HNRNPR: variants seen among roughly 807,000 people sequenced by gnomAD.
HNRNPR encodes heterogeneous nuclear ribonucleoprotein R.
Under a neutral mutation model 70.3 loss-of-function variants are expected in HNRNPR, and 4 were observed. The ratio of observed to expected loss-of-function variants is 0.06; its 90% CI spans 0.03 to 0.13. The LOEUF is 0.13. Ranked by LOEUF, HNRNPR falls within the 10% of genes least tolerant of loss-of-function variation. HNRNPR has a pLI of 1.00. For missense variants in HNRNPR, 423 were observed against 788.5 expected, an observed-to-expected ratio of 0.54 and a Z score of 5.55; for synonymous variants, 241 against 267.6, an observed-to-expected ratio of 0.90 and a Z score of 0.97.
At chr1:23,325,089 G>GAGCTGTATACCC (rs1570005438) in intron 5 of HNRNPR, among the ~76,000 whole-genome samples, 1 of 151,818 alleles carries the variant, frequency 6.6e-6, no homozygotes, top group East Asian at 1.9e-4. Flanking sequence ...GCAGGGAGCC[G>GAGCTGTATACCC]AGATCGCGCC....
intron 5 of HNRNPR, among the ~76,000 whole-genome samples, chr1:23,326,739 C>A (rs763676709): frequency 6.6e-6 from 1 of 152,244 alleles, no homozygotes. Flanking sequence ...GAGCTGAGAT[C>A]GCGCCATTGC....
chr1:23,333,485 A>T lies in HNRNPR; in HGVS notation c.498+33T>A, dbSNP rs778422613. 3.5e-5 allele frequency: 48 copies of T among 1,369,676 alleles called. No homozygotes were observed. The East Asian group carries it at 1.1e-3, about 31-fold the overall frequency. The allele number at this position is 1,369,676 out of a possible 1,614,324, so 84.8% of individuals were successfully genotyped here. A position where few individuals can be genotyped will look rare whatever the true frequency, so the allele number is the denominator to read the frequency against. The stretch of plus-strand genomic sequence containing the variant: ...GTAGATAAAACACTTTCCAAACTGG[A>T]AAGATCTTGGTAAACTGCTAAAGAA... On this transcript the variant is annotated intron_variant, in intron 5 of 10. Coordinates refer to ENST00000302271, the MANE Select transcript of HNRNPR (RefSeq NM_005826.5).
At chr1:23,336,776 A>AG (rs1646509108) in intron 4 of HNRNPR, among the ~76,000 whole-genome samples, 3 of 151,374 alleles carry the variant, frequency 2.0e-5, no homozygotes. Context: ...TCAAAAAAAA[A>AG]AAAAAAAAAG....
intron 4 of HNRNPR, among the ~76,000 whole-genome samples, chr1:23,336,845 T>C (rs1341569524): frequency 6.6e-6 from 1 of 152,008 alleles, no homozygotes; most frequent in Non-Finnish European, 1.5e-5. Flanking sequence ...TTAGGTTCAC[T>C]GGTCTTTCAT....
rs1645216996 is a variant in HNRNPR at position 23,307,296 on chromosome 1, T to A, written c.*3158A>T. The stretch of plus-strand genomic sequence containing the variant: ...GATGTAATGAGTTTCAAGAATAATA[T>A]TATATGGCTTTATGCTAGGAGTGAA... On this transcript the variant is annotated 3_prime_UTR_variant, in exon 11 of 11. Transcript: ENST00000302271. The A allele has an allele frequency of 6.6e-6, 1 of 152,088 alleles. No individual in the cohort carries two copies. Among genetic ancestry groups the A allele is most frequent in the Admixed American group, 6.5e-5 (1 of 15,272 alleles). The allele number at this position is 152,088 out of a possible 1,614,324, so 9.4% of individuals were successfully genotyped here.
chr1:23,308,769 C>T lies in HNRNPR; in HGVS notation c.*1685G>A, dbSNP rs1645244217. ...TTGAAATGAAAAGAAGCCATGAAAC[C>T]CAATATGATCTAGCCAAGATTACAC... On this transcript the variant is annotated 3_prime_UTR_variant, in exon 11 of 11. Coordinates refer to ENST00000302271, the MANE Select transcript of HNRNPR (RefSeq NM_005826.5). The T allele has an allele frequency of 1.3e-5, 2 of 151,822 alleles. No homozygotes were observed. Among genetic ancestry groups the T allele is most frequent in the Non-Finnish European group, 2.9e-5 (2 of 67,836 alleles). The allele number at this position is 151,822 out of a possible 1,614,324, so 9.4% of individuals were successfully genotyped here. A position where few individuals can be genotyped will look rare whatever the true frequency, so the allele number is the denominator to read the frequency against.
chr1:23,318,767 G>A lies in HNRNPR; in HGVS notation c.812-79C>T. On this transcript the variant is annotated intron_variant, in intron 7 of 10. Transcript: ENST00000302271. This position sits in a 1 kb window ranked among gnomAD's most constrained non-coding sequence, Gnocchi z 4.2. ...CGATTAGGCAGACCTAAATCCACTT[G>A]ACGATGAGCAAAATATAAGTGAAGC... 7.4e-7 allele frequency: 1 copy of A among 1,351,590 alleles called. No homozygotes were observed. Among genetic ancestry groups the A allele is most frequent in the Non-Finnish European group, 1.0e-6 (1 of 965,488 alleles). The allele number at this position is 1,351,590 out of a possible 1,614,324, so 83.7% of individuals were successfully genotyped here.
Position 23,308,377 on chromosome 1 carries a change from T to C in HNRNPR, c.*2077A>G, listed in dbSNP as rs1475174722. On this transcript the variant is annotated 3_prime_UTR_variant, in exon 11 of 11. Coordinates refer to ENST00000302271, the MANE Select transcript of HNRNPR (RefSeq NM_005826.5). ...TAGCTTGTAACACCTAATTAAGAAA[T>C]ACAAACAACTCAAATTTTATTTGTA... The C allele has an allele frequency of 6.6e-6, 1 of 152,066 alleles. No individual in the cohort carries two copies. Among genetic ancestry groups the C allele is most frequent in the Non-Finnish European group, 1.5e-5 (1 of 67,886 alleles). 9.4% of individuals were successfully genotyped at this position (152,066 alleles called of 1,614,324 possible).
chr1:23,341,052 A>C (rs1235762614), intron 1 of HNRNPR, 35 bp from the exon 2 acceptor site: 14 of 1,544,048 alleles, frequency 9.1e-6, no homozygotes, highest in Non-Finnish European at 1.2e-5. Flanking sequence ...TATTACATTA[A>C]GCCAGAAATA....
chr1:23,307,019 CATA>C lies in HNRNPR; in HGVS notation c.*3432_*3434del, dbSNP rs1181846340. ...TTAGTTGCTCACTTAAGAGATTCCACATAATAATTGTCCACATAATAATGGACT... is the reference window on the plus strand; with the variant it reads ...TTAGTTGCTCACTTAAGAGATTCCACATAATTGTCCACATAATAATGGACT... On this transcript the variant is annotated 3_prime_UTR_variant, in exon 11 of 11. Coordinates refer to ENST00000302271, the MANE Select transcript of HNRNPR (RefSeq NM_005826.5). 6.6e-6 allele frequency: 1 copy of C among 152,144 alleles called. No individual in the cohort carries two copies. The highest frequency in any genetic ancestry group is 1.5e-5 in the Non-Finnish European group (1 of 67,998). 9.4% of individuals were successfully genotyped at this position (152,144 alleles called of 1,614,324 possible). A position where few individuals can be genotyped will look rare whatever the true frequency, so the allele number is the denominator to read the frequency against.
intron 2 of HNRNPR, among the ~76,000 whole-genome samples, chr1:23,339,141 G>A (rs1377689268): frequency 6.6e-6 from 1 of 152,332 alleles, no homozygotes; most frequent in East Asian, 1.9e-4. Context: ...GAACACCAAA[G>A]ATAAACTGAA....
chr1:23,336,109 T>C (rs1376678403), intron 4 of HNRNPR, among the ~76,000 whole-genome samples: 1 of 16,350 alleles, frequency 6.1e-5, no homozygotes. Flanking sequence ...AGAGCGAGAC[T>C]CCGTCTCAAA....
At chr1:23,343,686 T>C (rs1281493953) in intron 1 of HNRNPR, among the ~76,000 whole-genome samples, 2 of 152,250 alleles carry the variant, frequency 1.3e-5, no homozygotes, top group African/African-American at 2.4e-5. Flanking sequence ...CCCACACAAA[T>C]CGGCCTTTCG....
chr1:23,343,518 G>T (rs1646783073), intron 1 of HNRNPR, among the ~76,000 whole-genome samples: 1 of 152,178 alleles, frequency 6.6e-6, no homozygotes, highest in African/African-American at 2.4e-5. Context: ...TACCGTGTAA[G>T]AAAAAGGATC....
In HNRNPR at chr1:23,305,653, G is replaced by T. The variant is rs1317266003; in HGVS notation, c.*4801C>A. On this transcript the variant is annotated 3_prime_UTR_variant, in exon 11 of 11. Coordinates refer to ENST00000302271, the MANE Select transcript of HNRNPR (RefSeq NM_005826.5). The stretch of plus-strand genomic sequence containing the variant: ...ATTTCAATCTATACCTTACCATCAT[G>T]GAATCCCCTACAAACTATAAGATGA... 6.6e-6 allele frequency: 1 copy of T among 152,090 alleles called. No homozygotes were observed. Among genetic ancestry groups the T allele is most frequent in the African/African-American group, 2.4e-5 (1 of 41,424 alleles). The allele number at this position is 152,090 out of a possible 1,614,324, so 9.4% of individuals were successfully genotyped here. A position where few individuals can be genotyped will look rare whatever the true frequency, so the allele number is the denominator to read the frequency against.
chr1:23,335,129 AG>A (rs1178368195), intron 4 of HNRNPR, among the ~76,000 whole-genome samples: 1 of 152,164 alleles, frequency 6.6e-6, no homozygotes. Context: ...GTTGTTAGCC[AG>A]GATGGTCTCG....
At chr1:23,339,775 C>T (rs952087416) in intron 2 of HNRNPR, among the ~76,000 whole-genome samples, 28 of 152,048 alleles carry the variant, frequency 1.8e-4, no homozygotes, top group African/African-American at 5.6e-4. Flanking sequence ...TACCACCACC[C>T]GAAGCCACAA....
chr1:23,322,446 G>A (rs940189839), intron 6 of HNRNPR, among the ~76,000 whole-genome samples: 8 of 151,868 alleles, frequency 5.3e-5, no homozygotes, highest in African/African-American at 1.9e-4. Flanking sequence ...ACGTTGGCCA[G>A]GCTGATCTTG....
At chr1:23,321,487 A>G (rs754314377) in intron 7 of HNRNPR, 41 bp downstream of exon 7, 2 of 1,574,252 alleles carry the variant, frequency 1.3e-6, no homozygotes. Flanking sequence ...GTAGTACAAC[A>G]TATTTCGCAA....
Sources: allele counts gnomAD v4.1 joint callset (sites outside exome capture counted in the v4.1 genomes callset), GRCh38; gene constraint gnomAD v4.1.1; non-coding constraint Gnocchi (gnomAD v3.1); transcripts MANE v1.5; gene names NCBI Gene and HGNC (gene_info 2026-07-23, HGNC 2026-07-21).